MYOM3: variants seen among roughly 807,000 people sequenced by gnomAD.
The protein encoded by MYOM3 is myomesin-3.
Under a neutral mutation model 191.7 loss-of-function variants are expected in MYOM3, and 155 were observed. The observed-to-expected ratio is 0.81, with a 90% CI of 0.71 to 0.92. The LOEUF is 0.92. Among genes scored for constraint, MYOM3 ranks in the 40% least tolerant of loss-of-function variants. The probability of loss-of-function intolerance (pLI) is 0.00; values close to 1 mark genes in which losing one functional copy is unlikely to be tolerated. For synonymous variants in MYOM3, 757 were observed against 762.9 expected (o/e 0.99, Z 0.13); for missense variants, 1,889 against 1,890.6 (o/e 1.00, Z 0.02).
chr1:24,057,535 G>T lies in MYOM3; in HGVS notation c.4143C>A (p.Tyr1381Ter). 6.2e-7 allele frequency: 1 copy of T among 1,614,150 alleles called. No homozygotes were observed. Among genetic ancestry groups the T allele is most frequent in the Non-Finnish European group, 8.5e-7 (1 of 1,180,004 alleles). The stretch of plus-strand genomic sequence containing the variant: ...CCTCTGTCCCCCTCACTTCCATGCG[G>T]TATCGGTCAAGGAAGGTGACAGGCT... ...NDQPVTFLDR[Y>*]RMEVRGTEVT... The change falls in exon 37 of 37, where the codon TAC becomes TAA. Residue 1381 changes from tyrosine to a stop codon, truncating the protein, a stop_gained. Transcript: ENST00000374434. LOFTEE classifies it high-confidence loss of function.
Position 24,099,750 on chromosome 1 carries a change from G to C in MYOM3, c.586C>G (p.Pro196Ala). Reference protein sequence around the residue: ...TWYKNDTRIDPRLFRAGKYRI... With the variant: ...TWYKNDTRIDARLFRAGKYRI... ...TATTTTCCGGCACGAAAGAGGCGGG[G>C]ATCAATCCGTGTGTCATTTTTGTAC... is the stretch of plus-strand genomic sequence containing the variant. Residue 196 changes from proline (P) to alanine (A), a missense_variant, in exon 6 of 37, where the codon CCC (proline) becomes GCC (alanine). Transcript: ENST00000374434. 6.2e-7 allele frequency: 1 copy of C among 1,614,130 alleles called. No homozygotes were observed. Among genetic ancestry groups the C allele is most frequent in the East Asian group, 2.2e-5 (1 of 44,880 alleles).
rs926195032 is a variant in MYOM3, at chr1:24,111,171, C to G, written c.-19+860G>C. Among the ~76,000 whole-genome samples the G allele has an allele frequency of 1.3e-5, 2 of 152,246 alleles. No homozygotes were observed. Among genetic ancestry groups the G allele is most frequent in the Non-Finnish European group, 2.9e-5 (2 of 68,046 alleles). On this transcript the variant is annotated intron_variant, in intron 1 of 36. Coordinates refer to ENST00000374434, the MANE Select transcript of MYOM3 (RefSeq NM_152372.4). This position sits in a 1 kb window ranked among gnomAD's most constrained non-coding sequence, Gnocchi z 4.7. ...GACCAGGGTGCCTCTTCCCGGAACACTGTGTGTGCCTGCGTGGAGGGGAAA... is the reference window on the plus strand; with the variant it reads ...GACCAGGGTGCCTCTTCCCGGAACAGTGTGTGTGCCTGCGTGGAGGGGAAA...
At position 24,090,915 on chromosome 1, in the gene MYOM3, G is replaced by T; in HGVS notation, c.1314C>A (p.Val438=). The T allele has an allele frequency of 6.2e-7, 1 of 1,613,986 alleles. No individual in the cohort carries two copies. The highest frequency in any genetic ancestry group is 8.5e-7 in the Non-Finnish European group (1 of 1,179,916). The change falls in exon 12 of 37, where the codon GTC becomes GTA. Residue 438 remains valine, a synonymous_variant. Coordinates refer to ENST00000374434, the MANE Select transcript of MYOM3 (RefSeq NM_152372.4). ...CCCGGAACCGATAGCTCTGACCTTC[G>T]ACGAGGCCTTGGATTGGGCACCGAC... is the stretch of plus-strand genomic sequence containing the variant. ...GTCRCPIQGL[V]EGQSYRFRVR...
In MYOM3 at chr1:24,081,992, C is replaced by T; in HGVS notation, c.2280+9G>A. ...CATGACACAGGCTGGGGCCACCTTCCAGCCCTACCTTGCAGACCCGGGTGG... is the reference window on the plus strand; with the variant it reads ...CATGACACAGGCTGGGGCCACCTTCTAGCCCTACCTTGCAGACCCGGGTGG... On this transcript the variant is annotated intron_variant, in intron 18 of 36. Transcript: ENST00000374434. The T allele has an allele frequency of 1.2e-6, 2 of 1,603,986 alleles. No individual in the cohort carries two copies. Among genetic ancestry groups the T allele is most frequent in the Non-Finnish European group, 1.7e-6 (2 of 1,175,626 alleles).
At chr1:24,066,543 A>G in intron 28 of MYOM3, 1 of 424,520 alleles carries the variant, frequency 2.4e-6, no homozygotes, top group African/African-American at 2.0e-5. Flanking sequence ...GGAATCAGAT[A>G]GACTTGTTCA....
Position 24,099,771 on chromosome 1 carries a change from T to C in MYOM3, c.565A>G (p.Lys189Glu), listed in dbSNP as rs1340689103. The C allele has an allele frequency of 6.2e-7, 1 of 1,613,800 alleles. No individual in the cohort carries two copies. The highest frequency in any genetic ancestry group is 8.5e-7 in the Non-Finnish European group (1 of 1,179,812). ...ASPPPQVTWY[K>E]NDTRIDPRLF... Reference sequence around the variant, plus strand: ...CGGGGATCAATCCGTGTGTCATTTTTGTACCTGTGGGGACATAGCGGTCTG... The same window carrying C: ...CGGGGATCAATCCGTGTGTCATTTTCGTACCTGTGGGGACATAGCGGTCTG... Residue 189 changes from lysine (K) to glutamate (E), a missense_variant, in exon 6 of 37, where the codon AAA (lysine) becomes GAA (glutamate). Coordinates refer to ENST00000374434, the MANE Select transcript of MYOM3 (RefSeq NM_152372.4).
intron 23 of MYOM3, 130 bp downstream of exon 23, chr1:24,074,030 G>A (rs1643566035): frequency 3.0e-6 from 2 of 658,596 alleles, no homozygotes; most frequent in African/African-American, 3.6e-5. Flanking sequence ...AGAATGGGTG[G>A]GTGAGGGCCT....
chr1:24,103,816 C>T (rs570116897), intron 5 of MYOM3, among the ~76,000 whole-genome samples: 1 of 146,942 alleles, frequency 6.8e-6, no homozygotes, highest in Non-Finnish European at 1.5e-5. Context: ...GCACAGATCT[C>T]CCCCCGCCCC....
chr1:24,065,362 C>T (rs371452652), intron 29 of MYOM3, among the ~76,000 whole-genome samples: 32 of 152,226 alleles, frequency 2.1e-4, no homozygotes, highest in African/African-American at 7.7e-4. Context: ...TCTCTCTTAA[C>T]CAGGCCACGG....
rs79929207 is a variant in MYOM3, at chr1:24,083,984, G to A, written c.1970+484C>T. ...AATGCCAGAACAGTACCTGGCGCAGGGTAAATATTGTGAAATGCTGGGCTT... is the reference window on the plus strand; with the variant it reads ...AATGCCAGAACAGTACCTGGCGCAGAGTAAATATTGTGAAATGCTGGGCTT... On this transcript the variant is annotated intron_variant, in intron 16 of 36. Coordinates refer to ENST00000374434, the MANE Select transcript of MYOM3 (RefSeq NM_152372.4). 9.0e-3 allele frequency: 1,542 copies of A among 170,852 alleles called. 21 individuals carry two copies. The highest frequency in any genetic ancestry group is 0.035 in the African/African-American group (1,484 of 41,814). The allele number at this position is 170,852 out of a possible 1,614,324, so 10.6% of individuals were successfully genotyped here.
chr1:24,070,641 A>T (rs753292708), intron 25 of MYOM3, among the ~76,000 whole-genome samples: 1 of 152,194 alleles, frequency 6.6e-6, no homozygotes, highest in Non-Finnish European at 1.5e-5. Context: ...AGACTGAGGC[A>T]GAAGGAGTAC....
intron 35 of MYOM3, among the ~76,000 whole-genome samples, chr1:24,059,976 G>A (rs1337003530): frequency 1.3e-5 from 2 of 152,168 alleles, no homozygotes; most frequent in African/African-American, 4.8e-5. Flanking sequence ...ATGCAGTTGT[G>A]GGCAGAAAGT....
intron 25 of MYOM3, among the ~76,000 whole-genome samples, chr1:24,069,258 C>A (rs748148455): frequency 7.2e-5 from 11 of 152,192 alleles, no homozygotes; most frequent in Non-Finnish European, 1.3e-4. Context: ...TCTATAGGGA[C>A]AACTGATTGT....
chr1:24,086,633 C>T lies in MYOM3; in HGVS notation c.1798+11G>A, dbSNP rs898972789. 5.6e-6 allele frequency: 9 copies of T among 1,611,434 alleles called. No individual in the cohort carries two copies. The Admixed American group carries it at 1.2e-4, about 21-fold the overall frequency. On this transcript the variant is annotated intron_variant, in intron 15 of 36. Coordinates refer to ENST00000374434, the MANE Select transcript of MYOM3 (RefSeq NM_152372.4). The stretch of plus-strand genomic sequence containing the variant: ...CTGCCTCCTCCCCGACCCCCGGCAT[C>T]AGGAGGGTACCTGGCGGGCCCCGCA...
At chr1:24,090,260 C>A (rs1643800092) in intron 12 of MYOM3, 142 bp from the exon 13 acceptor site, 2 of 677,082 alleles carry the variant, frequency 3.0e-6, no homozygotes, top group Non-Finnish European at 5.3e-6. Context: ...GACAGGTGCC[C>A]TCCCTCTGGC....
intron 20 of MYOM3, 115 bp downstream of exon 20, chr1:24,079,900 TG>T: frequency 9.8e-7 from 1 of 1,016,082 alleles, no homozygotes; most frequent in East Asian, 2.7e-5. Context: ...TCTTCCTCTC[TG>T]GTCCTCTGCT....
chr1:24,079,683 A>T (rs755831839), intron 20 of MYOM3, among the ~76,000 whole-genome samples: 1 of 152,222 alleles, frequency 6.6e-6, no homozygotes, highest in Non-Finnish European at 1.5e-5. Flanking sequence ...TTGTCCTTAG[A>T]TCTTTGCACG....
At chr1:24,081,562 G>C in intron 18 of MYOM3, 106 bp from the exon 19 acceptor site, 1 of 1,343,798 alleles carries the variant, frequency 7.4e-7, no homozygotes, top group Non-Finnish European at 1.0e-6. Flanking sequence ...TGGGGGCTTT[G>C]CTTTTATTTT....
rs1477783787 is a variant in MYOM3, at chr1:24,105,943, G to A, written c.537C>T (p.Ala179=). The A allele has an allele frequency of 1.2e-6, 2 of 1,613,172 alleles. No homozygotes were observed. Among genetic ancestry groups the A allele is most frequent in the South Asian group, 1.1e-5 (1 of 90,866 alleles). Residue 179 remains alanine, a synonymous_variant, in exon 5 of 37, where the codon GCC becomes GCT. Transcript: ENST00000374434. ...TTVLLTCTVQ[A]SPPPQVTWYK... ...ACCAGGTGACCTGGGGTGGTGGTGA[G>A]GCCTGGACAGTGCAGGTCAGCAGGA...
Sources: allele counts gnomAD v4.1 joint callset (sites outside exome capture counted in the v4.1 genomes callset), GRCh38; gene constraint gnomAD v4.1.1; non-coding constraint Gnocchi (gnomAD v3.1); transcripts MANE v1.5; gene names NCBI Gene and HGNC (gene_info 2026-07-23, HGNC 2026-07-21).